The following CSMD1 variants were observed in gnomAD, a reference collection of about 807,000 sequenced individuals.
CSMD1 encodes the protein CUB and Sushi multiple domains 1.
A neutral mutation model predicts 417.5 loss-of-function variants in CSMD1; 213 were observed. That is an observed-to-expected ratio of 0.51 (90% CI 0.46 to 0.57). CSMD1 has a LOEUF of 0.57. Among genes scored for constraint, CSMD1 ranks in the 20% least tolerant of loss-of-function variants. CSMD1 has a pLI of 0.00. For synonymous variants in CSMD1, 2,862 were observed against 1,736.8 expected, an observed-to-expected ratio of 1.65 and a Z score of -16.11; for missense variants, 6,923 against 4,529.7, an observed-to-expected ratio of 1.53 and a Z score of -15.17.
intron 5 of CSMD1, among the ~76,000 whole-genome samples, chr8:3,835,857 A>C (rs2129090499): frequency 6.6e-6 from 1 of 151,998 alleles, no homozygotes; most frequent in East Asian, 1.9e-4. Flanking sequence ...CTGTACCTTT[A>C]GTGCCTCTGT....
At chr8:4,043,566 T>C (rs1343781619) in intron 3 of CSMD1, among the ~76,000 whole-genome samples, 1 of 152,212 alleles carries the variant, frequency 6.6e-6, no homozygotes, top group Non-Finnish European at 1.5e-5. Context: ...TGTGTGCTGC[T>C]GTCTGGCCGC....
At chr8:4,116,173 T>C (rs1198456688) in intron 3 of CSMD1, among the ~76,000 whole-genome samples, 1 of 152,012 alleles carries the variant, frequency 6.6e-6, no homozygotes, top group Non-Finnish European at 1.5e-5. Flanking sequence ...TTTGTATTTT[T>C]AGTACAGACG....
intron 11 of CSMD1, among the ~76,000 whole-genome samples, chr8:3,483,831 C>G (rs144805039): frequency 1.3e-5 from 2 of 152,064 alleles, no homozygotes; most frequent in Non-Finnish European, 2.9e-5. Flanking sequence ...AAGGCTGAGT[C>G]AACTTTTAAA....
chr8:4,450,951 T>TA lies in CSMD1; in HGVS notation c.303-30887dup, dbSNP rs1799106466. On this transcript the variant is annotated intron_variant, in intron 2 of 69. Transcript: ENST00000635120. Reference sequence around the variant, plus strand: ...GGGCCAATAAAAGAACCCATACAACTAAGATCTACAGTAACGTATTATATT... The same window carrying TA: ...GGGCCAATAAAAGAACCCATACAACTAAAGATCTACAGTAACGTATTATATT... 1.3e-5 allele frequency among the ~76,000 whole-genome samples: 2 copies of TA among 151,976 alleles called. 1 individual carries two copies. Among genetic ancestry groups the TA allele is most frequent in the South Asian group, 4.1e-4 (2 of 4,820 alleles).
At chr8:3,586,857 T>G (rs992995767) in intron 8 of CSMD1, among the ~76,000 whole-genome samples, 1 of 152,212 alleles carries the variant, frequency 6.6e-6, no homozygotes, top group African/African-American at 2.4e-5. Context: ...TGGAGTGCAG[T>G]GGCACGACCT....
At chr8:3,198,613 C>G (rs986828527) in intron 33 of CSMD1, among the ~76,000 whole-genome samples, 4 of 152,202 alleles carry the variant, frequency 2.6e-5, no homozygotes, top group Non-Finnish European at 5.9e-5. Context: ...GCATCATCCT[C>G]ATTCTCTTCC....
At chr8:4,469,691 C>A (rs1563209556) in intron 2 of CSMD1, among the ~76,000 whole-genome samples, 1 of 152,204 alleles carries the variant, frequency 6.6e-6, no homozygotes, top group South Asian at 2.1e-4. Context: ...CTTGTCATCA[C>A]AGGCCTAACG....
chr8:4,592,682 C>T (rs137881273), intron 2 of CSMD1, among the ~76,000 whole-genome samples: 39 of 152,218 alleles, frequency 2.6e-4, no homozygotes, highest in African/African-American at 8.4e-4. Context: ...CCACTGTACC[C>T]GGCCTCTTTT....
intron 5 of CSMD1, among the ~76,000 whole-genome samples, chr8:3,891,475 T>TTTGAGACC (rs1806969487): frequency 6.6e-6 from 1 of 151,792 alleles, no homozygotes; most frequent in South Asian, 2.1e-4. Flanking sequence ...TATACAGGAG[T>TTTGAGACC]TTGAGACCAC....
At chr8:4,136,140 G>A (rs891048372) in intron 3 of CSMD1, among the ~76,000 whole-genome samples, 1 of 152,162 alleles carries the variant, frequency 6.6e-6, no homozygotes, top group African/African-American at 2.4e-5. Context: ...AAAAAGAACT[G>A]CTATAACTAT....
chr8:3,818,027 C>G (rs904266052), intron 5 of CSMD1, among the ~76,000 whole-genome samples: 5 of 152,124 alleles, frequency 3.3e-5, no homozygotes, highest in Non-Finnish European at 4.4e-5. Flanking sequence ...ACCTTCCAAC[C>G]CCAAACCACG....
intron 2 of CSMD1, among the ~76,000 whole-genome samples, chr8:4,539,732 G>A (rs924966212): frequency 3.3e-5 from 5 of 152,108 alleles, no homozygotes; most frequent in Admixed American, 1.3e-4. Context: ...GTGATTTTAC[G>A]GAAACAAAAT....
intron 10 of CSMD1, among the ~76,000 whole-genome samples, chr8:3,542,970 C>T (rs1798503636): frequency 6.6e-6 from 1 of 152,122 alleles, no homozygotes; most frequent in Admixed American, 6.6e-5. Flanking sequence ...ATATGGGGCT[C>T]CTCTTCCTCC....
In CSMD1 at chr8:3,753,942, C is replaced by T. The variant is rs368828677; in HGVS notation, c.919G>A (p.Ala307Thr). 3.2e-5 allele frequency: 52 copies of T among 1,608,024 alleles called. No individual in the cohort carries two copies. Among genetic ancestry groups the T allele is most frequent in the Non-Finnish European group, 4.0e-5 (47 of 1,175,848 alleles). The change falls in exon 6 of 70, where the codon GCT becomes ACT. Residue 307 changes from alanine to threonine, a missense_variant. Ala to Thr is a moderately conservative substitution (Grantham distance 58). Coordinates refer to ENST00000635120, the MANE Select transcript of CSMD1 (RefSeq NM_033225.6). ...GGAGCATCCTTACCTTGGAACTGAGCGTTAAATCCTTTGCGTCGGTGGTTG... is the reference window on the plus strand; with the variant it reads ...GGAGCATCCTTACCTTGGAACTGAGTGTTAAATCCTTTGCGTCGGTGGTTG... ...DSNHRRKGFN[A>T]QFQVKKAIEL...
At chr8:4,239,925 G>A (rs139066497) in intron 3 of CSMD1, among the ~76,000 whole-genome samples, 11 of 152,294 alleles carry the variant, frequency 7.2e-5, no homozygotes, top group African/African-American at 2.4e-4. Flanking sequence ...AGTTGAATTA[G>A]TAAGTCATAA....
chr8:3,367,157 G>A lies in CSMD1; in HGVS notation c.2990C>T (p.Ala997Val). 6.2e-7 allele frequency: 1 copy of A among 1,613,608 alleles called. No individual in the cohort carries two copies. Among genetic ancestry groups the A allele is most frequent in the Non-Finnish European group, 8.5e-7 (1 of 1,179,706 alleles). Residue 997 changes from alanine to valine, a missense_variant, in exon 20 of 70, where the codon GCC (alanine) becomes GTC (valine). Transcript: ENST00000635120. ...TEDGSFSEPV[A>V]RLTGSVLPHT... Reference sequence around the variant, plus strand: ...AGGCAACACCGACCCGGTGAGCCTGGCAACGGGCTCGGAAAAACTTCCATC... The same window carrying A: ...AGGCAACACCGACCCGGTGAGCCTGACAACGGGCTCGGAAAAACTTCCATC...
intron 5 of CSMD1, among the ~76,000 whole-genome samples, chr8:3,788,913 C>G (rs536859471): frequency 6.6e-6 from 1 of 152,298 alleles, no homozygotes; most frequent in South Asian, 2.1e-4. Flanking sequence ...AGGAAAGGGA[C>G]TTAGGCTATG....
chr8:4,471,111 T>C (rs1393502767), intron 2 of CSMD1, among the ~76,000 whole-genome samples: 1 of 152,216 alleles, frequency 6.6e-6, no homozygotes, highest in African/African-American at 2.4e-5. Context: ...GTGTGAAATG[T>C]TTAATTTTTA....
intron 12 of CSMD1, among the ~76,000 whole-genome samples, chr8:3,450,810 A>G (rs866854920): frequency 1.3e-5 from 2 of 151,896 alleles, no homozygotes; most frequent in South Asian, 4.2e-4. Flanking sequence ...CATGATTTAT[A>G]ATCCTTTGGG....
Sources: allele counts gnomAD v4.1 joint callset (sites outside exome capture counted in the v4.1 genomes callset), GRCh38; gene constraint gnomAD v4.1.1; transcripts MANE v1.5; gene names NCBI Gene and HGNC (gene_info 2026-07-23, HGNC 2026-07-21).